The following LAMA2 variants were observed in gnomAD, a reference collection of about 807,000 sequenced individuals.
The protein encoded by LAMA2 is laminin subunit alpha-2.
LAMA2 carries 269 observed loss-of-function variants against 364.8 expected under a neutral mutation model. The ratio of observed to expected loss-of-function variants is 0.74; its 90% CI spans 0.67 to 0.82. LAMA2 has a LOEUF of 0.82. Among genes scored for constraint, LAMA2 ranks in the 40% least tolerant of loss-of-function variants. The pLI, the probability that LAMA2 is intolerant of heterozygous loss-of-function variation, is 0.00. For missense variants in LAMA2, 3,807 were observed against 3,873.2 expected (o/e 0.98, Z 0.45); for synonymous variants, 1,379 against 1,370.6 (o/e 1.01, Z -0.14).
intron 16 of LAMA2, among the ~76,000 whole-genome samples, chr6:129,268,546 A>C (rs1787672799): frequency 6.6e-6 from 1 of 152,090 alleles, no homozygotes; most frequent in African/African-American, 2.4e-5. Flanking sequence ...TGCTGAATTC[A>C]TTAGGATGAA....
intron 12 of LAMA2, among the ~76,000 whole-genome samples, chr6:129,194,103 A>G (rs1304239740): frequency 6.6e-6 from 1 of 152,146 alleles, no homozygotes; most frequent in Non-Finnish European, 1.5e-5. Flanking sequence ...ATTTTATCCT[A>G]TTCTATTTAG....
chr6:129,441,047 G>A lies in LAMA2; in HGVS notation c.6268+49G>A, dbSNP rs371955364. 9.3e-6 allele frequency: 14 copies of A among 1,507,438 alleles called. No homozygotes were observed. The African/African-American group carries it at 1.8e-4, about 19-fold the overall frequency. The allele number at this position is 1,507,438 out of a possible 1,614,324, so 93.4% of individuals were successfully genotyped here. On this transcript the variant is annotated intron_variant, in intron 43 of 64. Coordinates refer to ENST00000421865, the MANE Select transcript of LAMA2 (RefSeq NM_000426.4). ...ATGATGTCATTTATTTCCTCTCACT[G>A]TAAAAGTATCCCAGACCTGTAAATG... is the stretch of plus-strand genomic sequence containing the variant.
rs557783655 is a variant in LAMA2, at chr6:129,178,571, C to T, written c.1467+705C>T. Among the ~76,000 whole-genome samples the T allele has an allele frequency of 1.1e-4, 16 of 152,206 alleles. No individual in the cohort carries two copies. In the South Asian group the frequency reaches 1.9e-3, roughly 18 times the overall value. On this transcript the variant is annotated intron_variant, in intron 10 of 64. Transcript: ENST00000421865. ...TGAGTTCTATAACATTCTGACCAGA[C>T]GGTGTATAACTACATTAGCTGAGAG...
intron 1 of LAMA2, among the ~76,000 whole-genome samples, chr6:128,933,600 T>G (rs757155308): frequency 6.6e-6 from 1 of 152,224 alleles, no homozygotes; most frequent in Non-Finnish European, 1.5e-5. Context: ...TTTTGTCTTT[T>G]ATATAATAGC....
chr6:128,950,667 C>T (rs990313943), intron 1 of LAMA2, among the ~76,000 whole-genome samples: 1 of 151,950 alleles, frequency 6.6e-6, no homozygotes, highest in Non-Finnish European at 1.5e-5. Context: ...CCTCTCATGC[C>T]TCTGTTTTCT....
intron 1 of LAMA2, among the ~76,000 whole-genome samples, chr6:128,927,580 G>A (rs1016352680): frequency 5.3e-5 from 8 of 152,000 alleles, no homozygotes; most frequent in African/African-American, 1.7e-4. Flanking sequence ...TCCCTCTGAA[G>A]TATCCCATTC....
chr6:129,007,599 C>T (rs572476294), intron 1 of LAMA2, among the ~76,000 whole-genome samples: 6 of 152,186 alleles, frequency 3.9e-5, no homozygotes, highest in Admixed American at 1.3e-4. Flanking sequence ...TTAAACCAAA[C>T]CATTGTCATG....
chr6:128,943,269 C>CAG (rs6149801), intron 1 of LAMA2, among the ~76,000 whole-genome samples: 5,641 of 143,042 alleles, frequency 0.039, 229 homozygotes, highest in African/African-American at 0.095. Flanking sequence ...TATATATACA[C>CAG]AGAGAGAGAG....
At chr6:128,985,508 A>G (rs184465411) in intron 1 of LAMA2, among the ~76,000 whole-genome samples, 9 of 152,288 alleles carry the variant, frequency 5.9e-5, no homozygotes, top group Non-Finnish European at 1.0e-4. Flanking sequence ...CAAGAACAAA[A>G]CAAAAGAAAA....
intron 1 of LAMA2, among the ~76,000 whole-genome samples, chr6:128,983,534 A>G (rs1233587696): frequency 6.6e-6 from 1 of 152,194 alleles, no homozygotes; most frequent in Non-Finnish European, 1.5e-5. Context: ...TCTTGAGGAA[A>G]TGGGAGTATT....
At chr6:129,046,089 G>C (rs527562594) in intron 1 of LAMA2, among the ~76,000 whole-genome samples, 6 of 152,266 alleles carry the variant, frequency 3.9e-5, no homozygotes, top group African/African-American at 1.2e-4. Flanking sequence ...AGCAAGAGAA[G>C]TATAATTTTG....
intron 1 of LAMA2, among the ~76,000 whole-genome samples, chr6:128,898,582 C>CT (rs896583681): frequency 4.6e-5 from 7 of 152,188 alleles, no homozygotes; most frequent in Admixed American, 3.3e-4. Flanking sequence ...CCACAGCACT[C>CT]TTTTTTTGCC....
At chr6:129,105,919 A>T (rs1775793451) in intron 4 of LAMA2, among the ~76,000 whole-genome samples, 1 of 152,098 alleles carries the variant, frequency 6.6e-6, no homozygotes, top group African/African-American at 2.4e-5. Context: ...ATTTATTTGG[A>T]TTGTCACTAG....
chr6:129,136,144 G>A lies in LAMA2; in HGVS notation c.640-7757G>A, dbSNP rs73599016. On this transcript the variant is annotated intron_variant, in intron 4 of 64. Coordinates refer to ENST00000421865, the MANE Select transcript of LAMA2 (RefSeq NM_000426.4). ...TCCTTTTGTACGTCATGCCCAATGG[G>A]AACGATACCAGGATCTTTCACTCAA... Among the ~76,000 whole-genome samples the A allele has an allele frequency of 7.4e-3, 1,123 of 152,058 alleles. 15 individuals carry two copies. Among genetic ancestry groups the A allele is most frequent in the African/African-American group, 0.026 (1,087 of 41,486 alleles).
intron 1 of LAMA2, among the ~76,000 whole-genome samples, chr6:128,998,053 G>A (rs975544631): frequency 4.6e-5 from 7 of 152,068 alleles, no homozygotes; most frequent in African/African-American, 1.7e-4. Context: ...CACAGATGGG[G>A]TGGGATATGC....
At chr6:129,412,498 G>C (rs985923236) in intron 40 of LAMA2, among the ~76,000 whole-genome samples, 1 of 151,776 alleles carries the variant, frequency 6.6e-6, no homozygotes, top group African/African-American at 2.4e-5. Context: ...CAGACAGAGA[G>C]AGAAAAAAAT....
intron 37 of LAMA2, among the ~76,000 whole-genome samples, chr6:129,393,584 TA>T (rs897515663): frequency 2.6e-5 from 4 of 152,200 alleles, no homozygotes; most frequent in Non-Finnish European, 5.9e-5. Context: ...TGCCACTATC[TA>T]GACATACAAA....
intron 17 of LAMA2, among the ~76,000 whole-genome samples, chr6:129,273,528 TTACTA>T (rs1278607676): frequency 2.0e-5 from 3 of 152,170 alleles, no homozygotes; most frequent in Non-Finnish European, 4.4e-5. Context: ...CTGACCAACA[TTACTA>T]TAAATGCAGA....
At chr6:129,130,877 A>G (rs1173794836) in intron 4 of LAMA2, among the ~76,000 whole-genome samples, 1 of 152,232 alleles carries the variant, frequency 6.6e-6, no homozygotes, top group Non-Finnish European at 1.5e-5. Flanking sequence ...GGAAGGATAA[A>G]TGAAACAGTT....
Sources: gnomAD v4.1 joint callset for allele counts (sites outside exome capture counted in the v4.1 genomes callset) on GRCh38, gnomAD v4.1.1 for gene constraint, MANE v1.5 for transcripts, NCBI Gene and HGNC (gene_info 2026-07-23, HGNC 2026-07-21) for gene names.